ANO4: variants seen among roughly 807,000 people sequenced by gnomAD.
The protein encoded by ANO4 is anoctamin 4.
A neutral mutation model predicts 141.9 loss-of-function variants in ANO4; 69 were observed. That is an observed-to-expected ratio of 0.49 (90% CI 0.40 to 0.59). The LOEUF is 0.59. Ranked by LOEUF, ANO4 falls within the 20% of genes least tolerant of loss-of-function variation. The probability of loss-of-function intolerance (pLI) is 0.00; values close to 1 mark genes in which losing one functional copy is unlikely to be tolerated. For synonymous variants in ANO4, 350 were observed against 394.3 expected, an observed-to-expected ratio of 0.89 and a Z score of 1.33; for missense variants, 894 against 1,162.2, an observed-to-expected ratio of 0.77 and a Z score of 3.36.
At chr12:101,023,448 A>G (rs1236444037) in intron 9 of ANO4, among the ~76,000 whole-genome samples, 1 of 152,184 alleles carries the variant, frequency 6.6e-6, no homozygotes, top group African/African-American at 2.4e-5. Flanking sequence ...AGGCAGGAGG[A>G]TTGCTTGAGC....
chr12:100,848,770 GT>G (rs1219953597), intron 1 of ANO4, among the ~76,000 whole-genome samples: 1 of 152,154 alleles, frequency 6.6e-6, no homozygotes, highest in Non-Finnish European at 1.5e-5. Context: ...GGTGGAACAT[GT>G]TTTGCCCCCT....
rs1180302299 is a variant in ANO4, at chr12:101,079,226, G to A, written c.1346G>A (p.Arg449Gln). Residue 449 changes from arginine to glutamine, a missense_variant, in exon 15 of 28, where the codon CGA becomes CAA. By Grantham distance (43) the Arg-to-Gln change is conservative. Coordinates refer to ENST00000392977, the MANE Select transcript of ANO4 (RefSeq NM_001286615.2). The part of the protein sequence containing the change: ...TVFLEFWKRR[R>Q]AVIAYDWDLI... ...TTCCTGGAGTTTTGGAAAAGACGGC[G>A]AGCAGTAATTGCTTATGACTGGGAT... The A allele has an allele frequency of 1.2e-6, 2 of 1,613,768 alleles. No homozygotes were observed. Among genetic ancestry groups the A allele is most frequent in the Non-Finnish European group, 1.7e-6 (2 of 1,179,944 alleles).
intron 3 of ANO4, among the ~76,000 whole-genome samples, chr12:100,779,709 T>C (rs2033653125): frequency 6.6e-6 from 1 of 152,172 alleles, no homozygotes; most frequent in East Asian, 1.9e-4. Flanking sequence ...TTTCCTCCTT[T>C]AAAGTATTTT....
chr12:100,973,595 G>C (rs774298774), intron 6 of ANO4, among the ~76,000 whole-genome samples: 4 of 152,134 alleles, frequency 2.6e-5, no homozygotes, highest in Non-Finnish European at 4.4e-5. Flanking sequence ...AAATTGAGAA[G>C]ATACTAGTGT....
intron 2 of ANO4, among the ~76,000 whole-genome samples, chr12:100,910,896 T>C (rs73389659): frequency 0.019 from 2,884 of 152,230 alleles, 85 homozygotes; most frequent in African/African-American, 0.066. Context: ...TTTATCTCAC[T>C]TTTTAAAACC....
chr12:100,993,184 A>G (rs181860803), intron 8 of ANO4, among the ~76,000 whole-genome samples: 113 of 152,260 alleles, frequency 7.4e-4, no homozygotes, highest in African/African-American at 2.6e-3. Context: ...ATGAGACCCT[A>G]TCTCTCAAAG....
chr12:100,903,486 T>C (rs569267340), intron 2 of ANO4, among the ~76,000 whole-genome samples: 7 of 152,326 alleles, frequency 4.6e-5, no homozygotes, highest in African/African-American at 1.7e-4. Context: ...CAAATGCCTT[T>C]TGTGATCTGG....
intron 1 of ANO4, among the ~76,000 whole-genome samples, chr12:100,891,832 A>T (rs1160544924): frequency 6.6e-6 from 1 of 152,134 alleles, no homozygotes; most frequent in Admixed American, 6.6e-5. Flanking sequence ...TATACCCACT[A>T]TTTTGTATAA....
rs1194186922 is a variant in ANO4 at position 101,057,793 on chromosome 12, T to G, written c.1312+9392T>G. ...TGTCAGATGGATAGATTGCAAAAAT[T>G]TTCTCCCATTCTATAGGTTGCCTGT... On this transcript the variant is annotated intron_variant, in intron 14 of 27. Coordinates refer to ENST00000392977, the MANE Select transcript of ANO4 (RefSeq NM_001286615.2). Among the ~76,000 whole-genome samples the G allele has an allele frequency of 2.0e-5, 3 of 152,204 alleles. No homozygotes were observed. In the South Asian group the frequency reaches 6.2e-4, roughly 32 times the overall value.
chr12:100,856,044 T>C (rs1238374443), intron 1 of ANO4, among the ~76,000 whole-genome samples: 1 of 152,100 alleles, frequency 6.6e-6, no homozygotes, highest in Admixed American at 6.6e-5. Context: ...TGGATAATAT[T>C]CCAGGCTGAG....
At chr12:100,724,024 A>C (rs11110495) in intron 1 of ANO4, among the ~76,000 whole-genome samples, 16 of 151,612 alleles carry the variant, frequency 1.1e-4, no homozygotes, top group Middle Eastern at 3.4e-3. Flanking sequence ...AAACAAACAA[A>C]AAACAAAAAA....
intron 23 of ANO4, among the ~76,000 whole-genome samples, chr12:101,111,258 C>T (rs1477997920): frequency 3.3e-5 from 5 of 152,174 alleles, no homozygotes; most frequent in African/African-American, 1.2e-4. Flanking sequence ...AGCTCCCAGT[C>T]TGGTGGGGCT....
intron 26 of ANO4, among the ~76,000 whole-genome samples, chr12:101,121,106 T>C (rs2051071653): frequency 6.6e-6 from 1 of 152,214 alleles, no homozygotes; most frequent in Non-Finnish European, 1.5e-5. Flanking sequence ...AGTGGGTACA[T>C]GTGCAAGTTT....
intron 14 of ANO4, among the ~76,000 whole-genome samples, chr12:101,077,447 G>A (rs973439835): frequency 6.6e-6 from 1 of 152,156 alleles, no homozygotes; most frequent in Non-Finnish European, 1.5e-5. Context: ...GGGGATTCCT[G>A]AGACAGCAAG....
intron 1 of ANO4, among the ~76,000 whole-genome samples, chr12:100,873,858 C>T (rs1243067936): frequency 2.0e-5 from 3 of 152,194 alleles, no homozygotes; most frequent in African/African-American, 7.2e-5. Context: ...AGCAGCTCCT[C>T]CCATCATAGG....
chr12:100,999,067 GTCTTA>G (rs1488408523), intron 8 of ANO4, among the ~76,000 whole-genome samples: 1 of 152,172 alleles, frequency 6.6e-6, no homozygotes, highest in Non-Finnish European at 1.5e-5. Context: ...TCTGGCCCCA[GTCTTA>G]TCTTTTTAAC....
At chr12:100,998,574 T>C (rs1230018420) in intron 8 of ANO4, among the ~76,000 whole-genome samples, 3 of 152,212 alleles carry the variant, frequency 2.0e-5, no homozygotes, top group African/African-American at 7.2e-5. Flanking sequence ...GGTTCCATGT[T>C]TGAGAAACAA....
intron 1 of ANO4, among the ~76,000 whole-genome samples, chr12:100,894,774 G>A (rs927072142): frequency 8.6e-5 from 13 of 151,838 alleles, no homozygotes; most frequent in East Asian, 1.9e-4. Context: ...AGACCATCCC[G>A]GCTAAAACGG....
intron 22 of ANO4, among the ~76,000 whole-genome samples, chr12:101,105,141 G>C (rs1397380192): frequency 6.6e-6 from 1 of 152,146 alleles, no homozygotes; most frequent in Non-Finnish European, 1.5e-5. Flanking sequence ...TAGGGACCCA[G>C]CAGTTTCTCA....
Sources: gnomAD v4.1 joint callset for allele counts (sites outside exome capture counted in the v4.1 genomes callset) on GRCh38, gnomAD v4.1.1 for gene constraint, MANE v1.5 for transcripts, NCBI Gene and HGNC (gene_info 2026-07-23, HGNC 2026-07-21) for gene names.